LRBA: variants seen among roughly 807,000 people sequenced by gnomAD.
The protein encoded by LRBA is lipopolysaccharide-responsive and beige-like anchor protein.
Under a neutral mutation model 330.0 loss-of-function variants are expected in LRBA, and 176 were observed. The ratio of observed to expected loss-of-function variants is 0.53; its 90% CI spans 0.47 to 0.60. LRBA has a LOEUF of 0.60. LRBA is among the 20% of genes least tolerant of loss of function. The pLI, the probability that LRBA is intolerant of heterozygous loss-of-function variation, is 0.00. For synonymous variants in LRBA, 1,230 were observed against 1,193.0 expected (o/e 1.03, Z -0.64); for missense variants, 3,259 against 3,444.8 (o/e 0.95, Z 1.35).
chr4:150,965,828 G>A (rs1351928338), intron 2 of LRBA, among the ~76,000 whole-genome samples: 2 of 151,968 alleles, frequency 1.3e-5, no homozygotes, highest in Non-Finnish European at 2.9e-5. Flanking sequence ...ACAGGTGTGA[G>A]CCACTGGGCC....
chr4:150,798,670 A>C (rs1318094807), intron 33 of LRBA, among the ~76,000 whole-genome samples: 2 of 152,182 alleles, frequency 1.3e-5, no homozygotes, highest in Non-Finnish European at 2.9e-5. Context: ...TCTGTTATAT[A>C]TTCTTGATTT....
At chr4:150,630,854 T>G (rs1469872197) in intron 37 of LRBA, among the ~76,000 whole-genome samples, 1 of 152,072 alleles carries the variant, frequency 6.6e-6, no homozygotes, top group African/African-American at 2.4e-5. Flanking sequence ...TGGAAAGAGA[T>G]GTTTAGAAAT....
intron 48 of LRBA, among the ~76,000 whole-genome samples, chr4:150,331,602 G>A (rs1470398319): frequency 6.6e-6 from 1 of 152,106 alleles, no homozygotes; most frequent in Non-Finnish European, 1.5e-5. Flanking sequence ...GAGTGCTTCT[G>A]CCTTTAAACA....
intron 36 of LRBA, among the ~76,000 whole-genome samples, chr4:150,708,249 G>A (rs979617484): frequency 6.6e-6 from 1 of 151,790 alleles, no homozygotes; most frequent in Non-Finnish European, 1.5e-5. Context: ...CCAGAGCAGA[G>A]ATAACTCAAT....
intron 26 of LRBA, among the ~76,000 whole-genome samples, chr4:150,847,976 G>A (rs986696120): frequency 2.6e-5 from 4 of 151,890 alleles, no homozygotes; most frequent in Admixed American, 1.3e-4. Flanking sequence ...ACATCACCTG[G>A]GACTTGGTAG....
At chr4:150,942,959 T>A (rs1025555570) in intron 2 of LRBA, among the ~76,000 whole-genome samples, 1 of 152,196 alleles carries the variant, frequency 6.6e-6, no homozygotes, top group Non-Finnish European at 1.5e-5. Context: ...TATATGTTAC[T>A]GAAAATAAAT....
intron 44 of LRBA, among the ~76,000 whole-genome samples, chr4:150,464,051 T>C (rs1362606479): frequency 2.0e-5 from 3 of 151,134 alleles, no homozygotes; most frequent in African/African-American, 7.3e-5. Context: ...CATTAGGTAC[T>C]GTTTCATCAA....
In LRBA at chr4:150,833,961, G is replaced by T. The variant is rs529038163; in HGVS notation, c.4570-1985C>A. Among the ~76,000 whole-genome samples the T allele has an allele frequency of 5.9e-5, 9 of 152,212 alleles. No individual in the cohort carries two copies. In the East Asian group the frequency reaches 1.7e-3, roughly 29 times the overall value. On this transcript the variant is annotated intron_variant, in intron 28 of 56. Coordinates refer to ENST00000651943, the MANE Select transcript of LRBA (RefSeq NM_001364905.1). ...GTTCACAGTATCTTCATCATGAATG[G>T]ATTCCATTGTAGGAAACCAATTTCT...
chr4:150,660,647 G>A (rs1581965603), intron 37 of LRBA, among the ~76,000 whole-genome samples: 2 of 139,798 alleles, frequency 1.4e-5, no homozygotes, highest in South Asian at 2.5e-4. Context: ...GCGGGGAAAA[G>A]ATTGAGAAAT....
At chr4:150,898,181 G>GA (rs1196007304) in intron 14 of LRBA, among the ~76,000 whole-genome samples, 1 of 151,606 alleles carries the variant, frequency 6.6e-6, no homozygotes, top group Non-Finnish European at 1.5e-5. Flanking sequence ...AGTTTACAAA[G>GA]AAAAAAACAA....
intron 9 of LRBA, among the ~76,000 whole-genome samples, chr4:150,911,345 T>C (rs1489435972): frequency 6.6e-6 from 1 of 152,206 alleles, no homozygotes; most frequent in East Asian, 1.9e-4. Flanking sequence ...TTTTATTATG[T>C]TGAGGTAGTT....
intron 17 of LRBA, among the ~76,000 whole-genome samples, chr4:150,884,733 A>G (rs1370169662): frequency 6.6e-6 from 1 of 152,202 alleles, no homozygotes; most frequent in African/African-American, 2.4e-5. Flanking sequence ...AAAACAAAAA[A>G]AGTCTAGAGT....
chr4:150,417,520 A>G (rs1436625751), intron 46 of LRBA, among the ~76,000 whole-genome samples: 4 of 152,182 alleles, frequency 2.6e-5, no homozygotes, highest in Admixed American at 1.3e-4. Context: ...AATACTAATT[A>G]TTCTCATTTC....
intron 2 of LRBA, among the ~76,000 whole-genome samples, chr4:150,932,978 T>C (rs1734675905): frequency 6.6e-6 from 1 of 152,156 alleles, no homozygotes; most frequent in Non-Finnish European, 1.5e-5. Flanking sequence ...ATTTTTTATT[T>C]TTGAAACAGC....
At position 150,818,529 on chromosome 4, in the gene LRBA, TGTCTG is replaced by T. The variant is rs544220103; in HGVS notation, c.5172-1277_5172-1273del. Among the ~76,000 whole-genome samples the T allele has an allele frequency of 1.9e-3, 232 of 121,070 alleles. 1 individual carries two copies. The highest frequency in any genetic ancestry group is 8.4e-3 in the African/African-American group (219 of 25,946). 79.4% of individuals were successfully genotyped at this position (121,070 alleles called of 152,430 possible). A position where few individuals can be genotyped will look rare whatever the true frequency, so the allele number is the denominator to read the frequency against. ...CTTAAGGGGGAGTAGATATGACGAA[TGTCTG>T]TGTGTGTGTGTGTGTGTGTGTGTGT... On this transcript the variant is annotated intron_variant, in intron 30 of 56. Coordinates refer to ENST00000651943, the MANE Select transcript of LRBA (RefSeq NM_001364905.1).
At chr4:150,807,628 T>TTTGTTGTTGTTG (rs57037174) in intron 32 of LRBA, among the ~76,000 whole-genome samples, 7 of 149,646 alleles carry the variant, frequency 4.7e-5, no homozygotes, top group African/African-American at 1.5e-4. Flanking sequence ...ATATCAGCAT[T>TTTGTTGTTGTTG]TTGTTGTTGT....
chr4:150,341,186 G>C (rs1486730089), intron 48 of LRBA, among the ~76,000 whole-genome samples: 1 of 152,032 alleles, frequency 6.6e-6, no homozygotes, highest in Non-Finnish European at 1.5e-5. Flanking sequence ...TTTTGAGACA[G>C]AGTCTTGCTT....
chr4:150,301,123 C>T (rs1417872508), intron 53 of LRBA, among the ~76,000 whole-genome samples: 1 of 151,766 alleles, frequency 6.6e-6, no homozygotes, highest in Non-Finnish European at 1.5e-5. Context: ...ACTGGATTTA[C>T]AGAAACCAGA....
chr4:150,932,707 G>C (rs571799030), intron 2 of LRBA, among the ~76,000 whole-genome samples: 2 of 152,142 alleles, frequency 1.3e-5, no homozygotes, highest in South Asian at 4.2e-4. Context: ...CTTGAGCGCA[G>C]GAGTTTAAGA....
Sources: gnomAD v4.1 joint callset for allele counts (sites outside exome capture counted in the v4.1 genomes callset) on GRCh38, gnomAD v4.1.1 for gene constraint, MANE v1.5 for transcripts, NCBI Gene and HGNC (gene_info 2026-07-23, HGNC 2026-07-21) for gene names.